The following SEL1L variants were observed in gnomAD, a reference collection of about 807,000 sequenced individuals.
The protein encoded by SEL1L is SEL1L adaptor subunit of SYVN1 ubiquitin ligase.
A neutral mutation model predicts 109.8 loss-of-function variants in SEL1L; 52 were observed. That is an observed-to-expected ratio of 0.47 (90% CI 0.38 to 0.60). SEL1L has a LOEUF of 0.60. SEL1L is among the 20% of genes least tolerant of loss of function. The probability of loss-of-function intolerance (pLI) is 0.00; values close to 1 mark genes in which losing one functional copy is unlikely to be tolerated. For synonymous variants in SEL1L, 373 were observed against 339.6 expected (o/e 1.10, Z -1.08); for missense variants, 749 against 962.2 (o/e 0.78, Z 2.93).
chr14:81,505,934 C>A, intron 4 of SEL1L, 140 bp downstream of exon 4: 1 of 703,136 alleles, frequency 1.4e-6, no homozygotes, highest in Non-Finnish European at 2.2e-6. Context: ...CTCTTAAGTC[C>A]ACTCTTTAAG....
At chr14:81,510,390 T>C (rs1296009340) in intron 3 of SEL1L, among the ~76,000 whole-genome samples, 1 of 151,780 alleles carries the variant, frequency 6.6e-6, no homozygotes, top group East Asian at 1.9e-4. Context: ...ATTTTTGTTT[T>C]TAACAGATAA....
chr14:81,521,916 A>G (rs1884920138), intron 3 of SEL1L, among the ~76,000 whole-genome samples: 1 of 152,184 alleles, frequency 6.6e-6, no homozygotes, highest in Admixed American at 6.5e-5. Flanking sequence ...CAATGGGACA[A>G]GATGTGGAGG....
chr14:81,518,678 A>T (rs1884798095), intron 3 of SEL1L, among the ~76,000 whole-genome samples: 1 of 149,724 alleles, frequency 6.7e-6, no homozygotes, highest in Non-Finnish European at 1.5e-5. Context: ...AAAAAAAAAA[A>T]AAGGTAAAAA....
intron 1 of SEL1L, 37 bp downstream of exon 1, chr14:81,533,638 G>A (rs1885423414): frequency 6.3e-7 from 1 of 1,597,266 alleles, no homozygotes; most frequent in Non-Finnish European, 8.5e-7. Flanking sequence ...GGGGGGCGGA[G>A]GCTCTGGGCC....
intron 19 of SEL1L, among the ~76,000 whole-genome samples, chr14:81,480,136 A>C (rs1903302149): frequency 6.6e-6 from 1 of 150,882 alleles, no homozygotes; most frequent in South Asian, 2.1e-4. Context: ...TGATCTTCAA[A>C]GTGGGGTAGA....
chr14:81,487,865 G>A lies in SEL1L; in HGVS notation c.1473C>T (p.Ser491=). The A allele has an allele frequency of 6.2e-7, 1 of 1,613,686 alleles. No individual in the cohort carries two copies. Among genetic ancestry groups the A allele is most frequent in the East Asian group, 2.2e-5 (1 of 44,840 alleles). ...GWVDGQLQLG[S]MYYNGIGVKR... ...TCCAGTGTTACTTACTATAGTACATGGAACCAAGCTGTAGCTGCCCATCCA... is the reference window on the plus strand; with the variant it reads ...TCCAGTGTTACTTACTATAGTACATAGAACCAAGCTGTAGCTGCCCATCCA... Residue 491 remains serine, a synonymous_variant, in exon 15 of 21, where the codon TCC becomes TCT. Coordinates refer to ENST00000336735, the MANE Select transcript of SEL1L (RefSeq NM_005065.6).
At chr14:81,511,975 G>T (rs1398843183) in intron 3 of SEL1L, among the ~76,000 whole-genome samples, 1 of 152,106 alleles carries the variant, frequency 6.6e-6, no homozygotes, top group African/African-American at 2.4e-5. Context: ...GACAGTTACT[G>T]AAAAAAGAAG....
At chr14:81,509,173 T>C (rs575113730) in intron 3 of SEL1L, among the ~76,000 whole-genome samples, 3 of 152,236 alleles carry the variant, frequency 2.0e-5, no homozygotes, top group Non-Finnish European at 4.4e-5. Context: ...ATTGGAACTC[T>C]CTAGTTTCAA....
rs988304889 is a variant in SEL1L at position 81,502,817 on chromosome 14, A to G, written c.681T>C (p.Tyr227=). 2.5e-6 allele frequency: 4 copies of G among 1,614,136 alleles called. No homozygotes were observed. The highest frequency in any genetic ancestry group is 1.1e-5 in the South Asian group (1 of 91,084). ...NHTKALERVS[Y]ALLFGDYLPQ... ...GCAAGTAATCACCAAATAAAAGAGC[A>G]TATGACACTCTCTCCAGGGCTTTGG... The change falls in exon 6 of 21, where the codon TAT becomes TAC. Residue 227 remains tyrosine (Y), a synonymous_variant. Transcript: ENST00000336735.
chr14:81,473,580 A>G lies in SEL1L; in HGVS notation c.*3392T>C, dbSNP rs1244145854. On this transcript the variant is annotated 3_prime_UTR_variant, in exon 21 of 21. Coordinates refer to ENST00000336735, the MANE Select transcript of SEL1L (RefSeq NM_005065.6). Reference sequence around the variant, plus strand: ...TCATAATAATGTGTAATACATATATATATTATGAGATTCACTTTCAAAACA... The same window carrying G: ...TCATAATAATGTGTAATACATATATGTATTATGAGATTCACTTTCAAAACA... 6.6e-6 allele frequency: 1 copy of G among 152,186 alleles called. No homozygotes were observed. The highest frequency in any genetic ancestry group is 2.4e-5 in the African/African-American group (1 of 41,460). 9.4% of individuals were successfully genotyped at this position (152,186 alleles called of 1,614,324 possible). A position where few individuals can be genotyped will look rare whatever the true frequency, so the allele number is the denominator to read the frequency against.
chr14:81,499,206 A>C, intron 8 of SEL1L: 1 of 1,192,796 alleles, frequency 8.4e-7, no homozygotes, highest in South Asian at 4.3e-5. Flanking sequence ...AGAGCCATTT[A>C]TCAGATCTCT....
intron 3 of SEL1L, among the ~76,000 whole-genome samples, chr14:81,526,088 A>T (rs1455928505): frequency 6.6e-6 from 1 of 152,226 alleles, no homozygotes; most frequent in African/African-American, 2.4e-5. Flanking sequence ...AATAATAAAC[A>T]GATAAGGCAG....
intron 1 of SEL1L, 102 bp downstream of exon 1, chr14:81,533,573 G>T: frequency 2.7e-6 from 3 of 1,114,622 alleles, no homozygotes; most frequent in East Asian, 2.5e-5. Context: ...GATGTGCCCA[G>T]GGAGAACGGG....
chr14:81,504,875 C>A (rs1405243336), intron 4 of SEL1L, among the ~76,000 whole-genome samples: 1 of 152,138 alleles, frequency 6.6e-6, no homozygotes, highest in Non-Finnish European at 1.5e-5. Flanking sequence ...CTGCTCCCAC[C>A]ATATGAGACG....
Position 81,526,732 on chromosome 14 carries a change from C to T in SEL1L, c.340+1G>A. The T allele has an allele frequency of 6.2e-7, 1 of 1,610,678 alleles. No homozygotes were observed. The highest frequency in any genetic ancestry group is 8.5e-7 in the Non-Finnish European group (1 of 1,177,548). On this transcript the variant is annotated splice_donor_variant, in intron 3 of 20. Transcript: ENST00000336735. LOFTEE classifies it high-confidence loss of function. ...AAAAGCAAGGAAAATGTCCAGACTA[C>T]CTGGTTTCCGTACTTTCTTTGGCTC...
At position 81,499,761 on chromosome 14, in the gene SEL1L, G is replaced by C. The variant is rs1176188565; in HGVS notation, c.778-99C>G. The C allele has an allele frequency of 4.7e-6, 4 of 853,852 alleles. No individual in the cohort carries two copies. In the African/African-American group the frequency reaches 6.9e-5, roughly 15 times the overall value. The allele number at this position is 853,852 out of a possible 1,614,324, so 52.9% of individuals were successfully genotyped here. ...TTTTATATACTATGAAAAAATGCAA[G>C]AGTCTTTAAATGCTAAAAGATTTGA... On this transcript the variant is annotated intron_variant, in intron 6 of 20. Coordinates refer to ENST00000336735, the MANE Select transcript of SEL1L (RefSeq NM_005065.6).
At chr14:81,529,836 T>C (rs1885257819) in intron 1 of SEL1L, among the ~76,000 whole-genome samples, 1 of 152,200 alleles carries the variant, frequency 6.6e-6, no homozygotes, top group Non-Finnish European at 1.5e-5. Context: ...GTTTATAACC[T>C]AGGAACTTCT....
chr14:81,492,696 AAAGAG>A, intron 11 of SEL1L, 148 bp from the exon 12 acceptor site: 1 of 576,046 alleles, frequency 1.7e-6, no homozygotes, highest in Non-Finnish European at 3.1e-6. Context: ...CAATATTTTG[AAAGAG>A]AAATCAGTAC....
chr14:81,490,277 C>T (rs556449615), intron 13 of SEL1L, 111 bp downstream of exon 13: 2 of 765,462 alleles, frequency 2.6e-6, no homozygotes, highest in Non-Finnish European at 4.1e-6. Context: ...TATGCAGTTT[C>T]AATAATGTAT....
Sources: gnomAD v4.1 joint callset for allele counts (sites outside exome capture counted in the v4.1 genomes callset) on GRCh38, gnomAD v4.1.1 for gene constraint, MANE v1.5 for transcripts, NCBI Gene and HGNC (gene_info 2026-07-23, HGNC 2026-07-21) for gene names.